Variants in REV3L observed in about 807,000 individuals in gnomAD.
The protein encoded by REV3L is REV3 like, DNA directed polymerase zeta catalytic subunit, also known as DNA polymerase zeta catalytic subunit.
In REV3L, 69 loss-of-function variants were observed where a neutral mutation model predicts 299.4. That is an observed-to-expected ratio of 0.23 (90% confidence interval 0.19 to 0.28). The LOEUF (loss-of-function observed/expected upper bound fraction) is 0.28. Among genes scored for constraint, REV3L ranks in the 10% least tolerant of loss-of-function variants. REV3L has a pLI of 1.00. For missense variants in REV3L, 3,128 were observed against 3,693.8 expected, an observed-to-expected ratio of 0.85 and a Z score of 3.97; for synonymous variants, 1,238 against 1,271.4, an observed-to-expected ratio of 0.97 and a Z score of 0.56.
chr6:111,301,224 C>T (rs991255771), intron 31 of REV3L, among the ~76,000 whole-genome samples: 9 of 152,150 alleles, frequency 5.9e-5, no homozygotes, highest in Admixed American at 2.6e-4. Context: ...TGTCTGATCA[C>T]GAACCCTGTT....
chr6:111,476,938 T>A (rs1051945303), intron 1 of REV3L, among the ~76,000 whole-genome samples: 1 of 151,954 alleles, frequency 6.6e-6, no homozygotes. Context: ...ATGGTTTTTT[T>A]AAATTATAAA....
intron 4 of REV3L, among the ~76,000 whole-genome samples, chr6:111,394,283 T>G (rs1031388031): frequency 1.3e-5 from 2 of 152,192 alleles, no homozygotes; most frequent in African/African-American, 4.8e-5. Context: ...TCCTTTTCCT[T>G]GCATCCTCAC....
intron 9 of REV3L, among the ~76,000 whole-genome samples, chr6:111,387,226 GACAAGGC>G (rs1781434895): frequency 6.6e-6 from 1 of 152,110 alleles, no homozygotes; most frequent in Non-Finnish European, 1.5e-5. Flanking sequence ...ACAGTATCTA[GACAAGGC>G]CCATGTATTA....
intron 4 of REV3L, among the ~76,000 whole-genome samples, chr6:111,397,966 G>A (rs1782698941): frequency 6.7e-6 from 1 of 149,962 alleles, no homozygotes; most frequent in Admixed American, 6.6e-5. Flanking sequence ...TTGATTTTCT[G>A]TCTAGATTAT....
intron 31 of REV3L, among the ~76,000 whole-genome samples, chr6:111,303,666 C>T (rs1328767227): frequency 1.5e-4 from 16 of 109,286 alleles, no homozygotes; most frequent in African/African-American, 3.0e-4. Flanking sequence ...GATCCCCAGC[C>T]GAGGCTTTTT....
At chr6:111,336,982 T>C (rs1456386251) in intron 21 of REV3L, among the ~76,000 whole-genome samples, 1 of 150,840 alleles carries the variant, frequency 6.6e-6, no homozygotes, top group Non-Finnish European at 1.5e-5. Context: ...TTGGGAAAAT[T>C]AGAGAATTAA....
At position 111,387,981 on chromosome 6, in the gene REV3L, T is replaced by G; in HGVS notation, c.947+20A>C. On this transcript the variant is annotated intron_variant, in intron 8 of 31. Coordinates refer to ENST00000368802, the MANE Select transcript of REV3L (RefSeq NM_001372078.1). ...AAGGAATAAAATTAGTTCTGAGATCTATAATAAATAACCACTTACACAGAG... is the reference window on the plus strand; with the variant it reads ...AAGGAATAAAATTAGTTCTGAGATCGATAATAAATAACCACTTACACAGAG... 6.2e-7 allele frequency: 1 copy of G among 1,606,676 alleles called. No individual in the cohort carries two copies. The highest frequency in any genetic ancestry group is 8.5e-7 in the Non-Finnish European group (1 of 1,173,952).
At chr6:111,432,182 A>T (rs1787018099) in intron 1 of REV3L, among the ~76,000 whole-genome samples, 1 of 152,262 alleles carries the variant, frequency 6.6e-6, no homozygotes, top group South Asian at 2.1e-4. Flanking sequence ...ACAAGCAATG[A>T]AATGACAGTA....
intron 15 of REV3L, among the ~76,000 whole-genome samples, chr6:111,364,483 AT>A (rs17511041): frequency 6.6e-6 from 1 of 151,678 alleles, no homozygotes. Flanking sequence ...TTACAAAATT[AT>A]TTTTTCTGAT....
At chr6:111,334,205 T>G (rs540365938) in intron 22 of REV3L, among the ~76,000 whole-genome samples, 1 of 152,348 alleles carries the variant, frequency 6.6e-6, no homozygotes, top group African/African-American at 2.4e-5. Flanking sequence ...CCTAAACTGC[T>G]GGGATTACAG....
At position 111,299,042 on chromosome 6, in the gene REV3L, A is replaced by ATATT. The variant is rs1554266931; in HGVS notation, c.*970_*973dup. 6.6e-6 allele frequency: 1 copy of ATATT among 152,428 alleles called. No individual in the cohort carries two copies. Among genetic ancestry groups the ATATT allele is most frequent in the Non-Finnish European group, 1.5e-5 (1 of 67,964 alleles). The allele number at this position is 152,428 out of a possible 1,614,324, so 9.4% of individuals were successfully genotyped here. A position where few individuals can be genotyped will look rare whatever the true frequency, so the allele number is the denominator to read the frequency against. On this transcript the variant is annotated 3_prime_UTR_variant, in exon 32 of 32. Coordinates refer to ENST00000368802, the MANE Select transcript of REV3L (RefSeq NM_001372078.1). ...TGAAGTCACACTGCTATATTATTTT[A>ATATT]TATTTTATTCAATTTTAATATGGTT...
rs578253914 is a variant in REV3L, at chr6:111,343,988, C to T, written c.7475G>A (p.Arg2492His). Reference sequence around the variant, plus strand: ...GACTCGAAAGGTAAAGAGGGGAAAACGCTGATGAAGAACATGAAAGCTCAC... The same window carrying T: ...GACTCGAAAGGTAAAGAGGGGAAAATGCTGATGAAGAACATGAAAGCTCAC... ...ENVSFHVLHQ[R>H]FPLFTFRVLS... Residue 2492 changes from arginine to histidine, a missense_variant, in exon 21 of 32, where the codon CGT (arginine) becomes CAT (histidine). Transcript: ENST00000368802. 6 of 1,612,994 alleles carry T rather than the reference C, an allele frequency of 3.7e-6. 1 individual carries two copies. In the South Asian group the frequency reaches 4.4e-5, roughly 12 times the overall value.
chr6:111,424,372 C>T (rs1030776525), intron 1 of REV3L, among the ~76,000 whole-genome samples: 1 of 152,134 alleles, frequency 6.6e-6, no homozygotes, highest in African/African-American at 2.4e-5. Context: ...GAGTAAGGAC[C>T]TTTCAATATC....
rs975907303 is a variant in REV3L at position 111,299,749 on chromosome 6, T to C, written c.*267A>G. 4 of 251,358 alleles carry C rather than the reference T, an allele frequency of 1.6e-5. No homozygotes were observed. Among genetic ancestry groups the C allele is most frequent in the African/African-American group, 9.0e-5 (4 of 44,496 alleles). The allele number at this position is 251,358 out of a possible 1,614,324, so 15.6% of individuals were successfully genotyped here. ...GATCTACTCAAATGAATTTACAAGA[T>C]GGTACACATACTGGAGCAAATCCAA... On this transcript the variant is annotated 3_prime_UTR_variant, in exon 32 of 32. Transcript: ENST00000368802.
In REV3L at chr6:111,311,262, TAAAAC is replaced by T; in HGVS notation, c.8605-8_8605-4del. On this transcript the variant is annotated splice_polypyrimidine_tract_variant and splice_region_variant and intron_variant, in intron 28 of 31. Coordinates refer to ENST00000368802, the MANE Select transcript of REV3L (RefSeq NM_001372078.1). ...AGCTTTAGAGAACGCTCAAGTATCT[TAAAAC>T]AAAAAAGATATGCAAGTAAAGATAA... The T allele has an allele frequency of 1.9e-6, 3 of 1,585,472 alleles. No homozygotes were observed. The highest frequency in any genetic ancestry group is 1.7e-6 in the Non-Finnish European group (2 of 1,166,102).
chr6:111,398,127 T>C (rs1782720874), intron 4 of REV3L, among the ~76,000 whole-genome samples: 1 of 151,684 alleles, frequency 6.6e-6, no homozygotes, highest in South Asian at 2.1e-4. Context: ...AATATTTGCT[T>C]TATATATGTG....
chr6:111,393,493 G>A (rs1427807320), intron 4 of REV3L, among the ~76,000 whole-genome samples: 3 of 152,216 alleles, frequency 2.0e-5, no homozygotes, highest in African/African-American at 4.8e-5. Context: ...TTCACCATTT[G>A]TGTCGAGAAC....
chr6:111,377,982 A>G (rs1582762366), intron 11 of REV3L, 139 bp from the exon 12 acceptor site: 1 of 642,486 alleles, frequency 1.6e-6, no homozygotes, highest in Non-Finnish European at 2.4e-6. Flanking sequence ...CTATAGTAAA[A>G]CAATACAAAA....
chr6:111,357,755 A>G lies in REV3L; in HGVS notation c.7073-630T>C, dbSNP rs17511097. Among the ~76,000 whole-genome samples, 533 of 152,050 alleles carry G rather than the reference A, an allele frequency of 3.5e-3. 3 individuals carry two copies. Among genetic ancestry groups the G allele is most frequent in the African/African-American group, 0.012 (515 of 41,456 alleles). Reference sequence around the variant, plus strand: ...ACTGTATTACTTTGTTTCTGTCTTTACTCTTCCTAGCAGGAGAGCTTTGCT... The same window carrying G: ...ACTGTATTACTTTGTTTCTGTCTTTGCTCTTCCTAGCAGGAGAGCTTTGCT... On this transcript the variant is annotated intron_variant, in intron 17 of 31. Transcript: ENST00000368802.
Sources: gnomAD v4.1 joint callset for allele counts (sites outside exome capture counted in the v4.1 genomes callset) on GRCh38, gnomAD v4.1.1 for gene constraint, MANE v1.5 for transcripts, NCBI Gene and HGNC (gene_info 2026-07-23, HGNC 2026-07-21) for gene names.